Variants in ZNF69 observed in about 807,000 individuals in gnomAD.
ZNF69 encodes ZNF3.
A neutral mutation model predicts 50.9 loss-of-function variants in ZNF69; 47 were observed. The ratio of observed to expected loss-of-function variants is 0.92; its 90% CI spans 0.73 to 1.18. The LOEUF is 1.18. Among genes scored for constraint, ZNF69 ranks in the 50% most tolerant of loss-of-function variants. The pLI is 0.00. For missense variants in ZNF69, 717 were observed against 675.1 expected, an observed-to-expected ratio of 1.06 and a Z score of -0.69; for synonymous variants, 216 against 223.1, an observed-to-expected ratio of 0.97 and a Z score of 0.29.
chr19:11,925,136 T>A, the ZNF69 span: 1 of 1,554,052 alleles, frequency 6.4e-7, no homozygotes. Context: ...CGGGCGGCGG[T>A]TGGTAACCGG....
the ZNF69 span, chr19:11,977,372 G>A: frequency 4.3e-6 from 7 of 1,613,430 alleles, no homozygotes; most frequent in Middle Eastern, 1.6e-4. Flanking sequence ...GTATTTTAGG[G>A]AAAAAGTGGA....
chr19:11,977,774 C>T, the ZNF69 span, among the ~76,000 whole-genome samples: 1 of 152,140 alleles, frequency 6.6e-6, no homozygotes, highest in African/African-American at 2.4e-5. Flanking sequence ...AAGGATCACT[C>T]AAGCCCCCAG....
chr19:11,974,174 CCTTCTTT>C, the ZNF69 span, among the ~76,000 whole-genome samples: 1 of 99,266 alleles, frequency 1.0e-5, no homozygotes, highest in Admixed American at 1.2e-4. Flanking sequence ...TTCCTTCCTT[CCTTCTTT>C]CTTTCTTTCT....
the ZNF69 span, among the ~76,000 whole-genome samples, chr19:11,951,445 G>C: frequency 1.4e-4 from 22 of 151,860 alleles, no homozygotes; most frequent in Admixed American, 1.4e-3. Flanking sequence ...TAGCCAGACT[G>C]GTCTCAAACT....
chr19:11,890,836 A>T (rs1339503858), intron 1 of ZNF69, among the ~76,000 whole-genome samples: 2 of 152,192 alleles, frequency 1.3e-5, no homozygotes, highest in African/African-American at 4.8e-5. Context: ...CAAACCAGAT[A>T]AATGCTTGAT....
chr19:11,937,187 C>T, the ZNF69 span, among the ~76,000 whole-genome samples: 4 of 152,210 alleles, frequency 2.6e-5, no homozygotes, highest in East Asian at 1.9e-4. Flanking sequence ...ACAAGTGTTA[C>T]GTTCTAGAAG....
chr19:11,895,752 C>T (rs945858140), intron 1 of ZNF69, among the ~76,000 whole-genome samples: 2 of 152,142 alleles, frequency 1.3e-5, no homozygotes, highest in Non-Finnish European at 2.9e-5. Flanking sequence ...ACTATAAGAA[C>T]TCAGTATAAG....
chr19:11,978,310 T>C, the ZNF69 span: 5 of 1,613,970 alleles, frequency 3.1e-6, no homozygotes, highest in Admixed American at 1.7e-5. Context: ...AGAGGTGACA[T>C]TGGGCACAAG....
chr19:11,948,224 A>G, the ZNF69 span: 9 of 1,571,024 alleles, frequency 5.7e-6, no homozygotes, highest in African/African-American at 6.9e-5. Flanking sequence ...GTTGATTAAT[A>G]TAGAAGTACT....
In ZNF69 at chr19:11,903,819, C is replaced by A; in HGVS notation, c.191-86C>A. On this transcript the variant is annotated intron_variant, in intron 2 of 3. Transcript: ENST00000429654. ...ACTTTGATGAATAAATGAGGTATGG[C>A]TGCAGTAAATCATGGGCATAGAATC... The A allele has an allele frequency of 3.7e-6, 6 of 1,605,408 alleles. No homozygotes were observed. In the South Asian group the frequency reaches 6.7e-5, roughly 18 times the overall value.
rs1568279838 is a variant in ZNF69 at position 11,905,204 on chromosome 19, T to G, written c.807T>G (p.Thr269=). The change falls in exon 4 of 4, where the codon ACT becomes ACG. Residue 269 remains threonine, a synonymous_variant. Transcript: ENST00000429654. The part of the protein sequence containing the change: ...YSATLRIHER[T]HTGEKPYECQ... The stretch of plus-strand genomic sequence containing the variant: ...CTACCCTTCGAATACACGAAAGAAC[T>G]CACACTGGAGAAAAGCCTTATGAAT... 1 of 1,614,104 alleles carries G rather than the reference T, an allele frequency of 6.2e-7. No homozygotes were observed.
At chr19:11,950,592 G>T in the ZNF69 span, 1 of 467,780 alleles carries the variant, frequency 2.1e-6, no homozygotes, top group Non-Finnish European at 4.1e-6. Context: ...GCATGGAAGG[G>T]TTCACACTTG....
chr19:11,914,533 T>C (rs1268896666), downstream of ZNF69, among the ~76,000 whole-genome samples: 1 of 152,226 alleles, frequency 6.6e-6, no homozygotes, highest in Non-Finnish European at 1.5e-5. Flanking sequence ...GGCTAATAAA[T>C]TTGTGTAAAT....
exon 5 of ZNF69, chr19:11,914,232 C>CTTGA (rs1046841038): frequency 1.3e-5 from 2 of 151,754 alleles, no homozygotes; most frequent in African/African-American, 2.4e-5. Context: ...AGGAGACTTG[C>CTTGA]TTGAATATAG....
chr19:11,949,083 A>G, the ZNF69 span: 1 of 1,610,828 alleles, frequency 6.2e-7, no homozygotes, highest in South Asian at 1.1e-5. Flanking sequence ...AAACACACAT[A>G]AGAATGAACT....
chr19:11,945,755 G>A, the ZNF69 span, among the ~76,000 whole-genome samples: 54 of 152,056 alleles, frequency 3.6e-4, no homozygotes, highest in South Asian at 6.2e-4. Flanking sequence ...CTCCCTTTCC[G>A]GGTAACTTTA....
At chr19:11,936,471 C>A in the ZNF69 span, among the ~76,000 whole-genome samples, 1 of 152,184 alleles carries the variant, frequency 6.6e-6, no homozygotes. Context: ...TGTCTGTTGG[C>A]TGCATAAATG....
chr19:11,964,693 G>A, the ZNF69 span, among the ~76,000 whole-genome samples: 4 of 152,172 alleles, frequency 2.6e-5, no homozygotes, highest in African/African-American at 9.7e-5. Flanking sequence ...GCCAGCAGAT[G>A]GCTCCTATGG....
downstream of ZNF69, among the ~76,000 whole-genome samples, chr19:11,915,110 A>C (rs982325635): frequency 2.1e-4 from 32 of 152,312 alleles, no homozygotes; most frequent in African/African-American, 7.5e-4. Flanking sequence ...ATGCTGAGGC[A>C]GGAGAATGGC....
Sources: gnomAD v4.1 joint callset for allele counts (sites outside exome capture counted in the v4.1 genomes callset) on GRCh38, gnomAD v4.1.1 for gene constraint, MANE v1.5 for transcripts, NCBI Gene and HGNC (gene_info 2026-07-23, HGNC 2026-07-21) for gene names.